CPM: variants seen among roughly 807,000 people sequenced by gnomAD.
The protein encoded by CPM is carboxypeptidase M, also known as renal carboxypeptidase.
CPM carries 35 observed loss-of-function variants against 46.4 expected under a neutral mutation model. The observed-to-expected ratio is 0.75, with a 90% CI of 0.58 to 1.00. The LOEUF (loss-of-function observed/expected upper bound fraction) is 1.00. CPM is among the 50% of genes least tolerant of loss of function. The probability of loss-of-function intolerance (pLI) is 0.00; values close to 1 mark genes in which losing one functional copy is unlikely to be tolerated. For missense variants in CPM, 422 were observed against 530.4 expected (o/e 0.80, Z 2.01); for synonymous variants, 195 against 195.3 (o/e 1.00, Z 0.01).
intron 2 of CPM, among the ~76,000 whole-genome samples, chr12:68,909,482 G>C (rs1887488979): frequency 1.3e-5 from 2 of 152,090 alleles, no homozygotes; most frequent in African/African-American, 4.8e-5. Flanking sequence ...TCCTCTTGTA[G>C]GTTAATCTGT....
chr12:68,868,435 C>T (rs1186807788), intron 6 of CPM, among the ~76,000 whole-genome samples: 2 of 152,152 alleles, frequency 1.3e-5, no homozygotes, highest in African/African-American at 2.4e-5. Flanking sequence ...GTGGCCTGCA[C>T]GCAGAAATGC....
chr12:68,931,826 T>C (rs1888524711), intron 2 of CPM, among the ~76,000 whole-genome samples: 1 of 151,808 alleles, frequency 6.6e-6, no homozygotes, highest in East Asian at 1.9e-4. Context: ...TTATTTGCCT[T>C]GGCCGGATGG....
At chr12:68,903,999 G>A (rs962615679) in intron 2 of CPM, among the ~76,000 whole-genome samples, 6 of 152,042 alleles carry the variant, frequency 3.9e-5, no homozygotes, top group African/African-American at 9.7e-5. Context: ...TGATCCTCCC[G>A]CCTTGCCCTC....
At chr12:68,898,213 G>A (rs140257189) in intron 2 of CPM, among the ~76,000 whole-genome samples, 1 of 151,962 alleles carries the variant, frequency 6.6e-6, no homozygotes, top group African/African-American at 2.4e-5. Flanking sequence ...TTAAGAAGAG[G>A]TTAATTCAGA....
At chr12:68,884,706 CTT>C (rs1886356306) in intron 3 of CPM, among the ~76,000 whole-genome samples, 1 of 152,316 alleles carries the variant, frequency 6.6e-6, no homozygotes, top group South Asian at 2.1e-4. Context: ...GCTGGGGACT[CTT>C]TGATCGCTCA....
At chr12:68,884,264 G>A (rs1050879098) in intron 3 of CPM, among the ~76,000 whole-genome samples, 2 of 152,242 alleles carry the variant, frequency 1.3e-5, no homozygotes, top group South Asian at 4.1e-4. Flanking sequence ...TCCTTGCAAC[G>A]TAGTCTTTTT....
rs1421090455 is a variant in CPM at position 68,869,405 on chromosome 12, A to G, written c.707T>C (p.Met236Thr). 6.2e-7 allele frequency: 1 copy of G among 1,614,096 alleles called. No individual in the cohort carries two copies. Among genetic ancestry groups the G allele is most frequent in the South Asian group, 1.1e-5 (1 of 91,070 alleles). Residue 236 changes from methionine to threonine, a missense_variant, in exon 6 of 9, where the codon ATG becomes ACG. Physicochemically the swap from Met to Thr is moderately conservative, Grantham distance 81. Transcript: ENST00000551568. ...AHTYASRNPN[M>T]KKGDECKNKM... ...GTTTTTACACTCGTCTCCTTTCTTC[A>G]TGTTGGGATTTCTTGAAGCATAGGT...
intron 1 of CPM, among the ~76,000 whole-genome samples, chr12:68,962,088 T>G (rs1889128119): frequency 1.3e-5 from 2 of 151,262 alleles, no homozygotes; most frequent in Non-Finnish European, 2.9e-5. Flanking sequence ...TAGTCTCAGC[T>G]ACTCAGGAGG....
chr12:68,909,497 A>G (rs1388035887), intron 2 of CPM, among the ~76,000 whole-genome samples: 1 of 152,166 alleles, frequency 6.6e-6, no homozygotes, highest in African/African-American at 2.4e-5. Flanking sequence ...ATCTGTCAGT[A>G]TCCATCAAGC....
In CPM at chr12:68,932,841, C is replaced by T; in HGVS notation, c.-3-1G>A. The stretch of plus-strand genomic sequence containing the variant: ...GCCAGAGGCACGGGAAGTCCATGTT[C>T]TAGAGATGAATAAAAATAAGAAGAA... On this transcript the variant is annotated splice_acceptor_variant, in intron 1 of 8. Coordinates refer to ENST00000551568, the MANE Select transcript of CPM (RefSeq NM_198320.5). LOFTEE classifies it low-confidence loss of function (5UTR_SPLICE). 2 of 1,613,272 alleles carry T rather than the reference C, an allele frequency of 1.2e-6. No homozygotes were observed. Among genetic ancestry groups the T allele is most frequent in the Non-Finnish European group, 1.7e-6 (2 of 1,179,788 alleles).
chr12:68,885,006 C>T (rs900557725), intron 3 of CPM, among the ~76,000 whole-genome samples: 4 of 152,122 alleles, frequency 2.6e-5, no homozygotes, highest in Admixed American at 2.0e-4. Context: ...AGCAGTGGCA[C>T]GATCTTGGCT....
chr12:68,876,543 T>C (rs1348867244), intron 3 of CPM, among the ~76,000 whole-genome samples: 1 of 152,188 alleles, frequency 6.6e-6, no homozygotes, highest in Admixed American at 6.5e-5. Flanking sequence ...GAGTCTCCAA[T>C]TGCCCAGGCA....
At chr12:68,901,991 C>T (rs1242049086) in intron 2 of CPM, among the ~76,000 whole-genome samples, 2 of 152,112 alleles carry the variant, frequency 1.3e-5, no homozygotes, top group East Asian at 1.9e-4. Context: ...CTCTACTTTA[C>T]TTAATATGCA....
At chr12:68,938,671 T>C (rs1454289326) in intron 1 of CPM, among the ~76,000 whole-genome samples, 2 of 151,960 alleles carry the variant, frequency 1.3e-5, no homozygotes, top group Non-Finnish European at 2.9e-5. Context: ...AAATGTATAA[T>C]TTAAAAAATG....
intron 2 of CPM, among the ~76,000 whole-genome samples, chr12:68,894,267 G>C (rs1886776198): frequency 6.6e-6 from 1 of 152,162 alleles, no homozygotes; most frequent in Non-Finnish European, 1.5e-5. Flanking sequence ...ATTTTGTTTA[G>C]GTTGCTGGTT....
Position 68,871,912 on chromosome 12 carries a change from T to C in CPM, c.303A>G (p.Val101=). 1 of 1,614,178 alleles carries C rather than the reference T, an allele frequency of 6.2e-7. No individual in the cohort carries two copies. The part of the protein sequence containing the change: ...ELLLHLIDYL[V]TSDGKDPEIT... ...TTTCAGGGTCTTTGCCATCACTGGT[T>C]ACGAGATAGTCAATCAGATGGAGCA... Residue 101 remains valine (V), a synonymous_variant, in exon 4 of 9, where the codon GTA becomes GTG. Coordinates refer to ENST00000551568, the MANE Select transcript of CPM (RefSeq NM_198320.5).
intron 1 of CPM, among the ~76,000 whole-genome samples, chr12:68,955,671 G>A (rs1041052645): frequency 1.3e-5 from 2 of 152,136 alleles, no homozygotes; most frequent in African/African-American, 4.8e-5. Context: ...TTCTTGAGGA[G>A]GCCCAAAGTG....
intron 3 of CPM, among the ~76,000 whole-genome samples, chr12:68,880,503 G>C (rs1040426848): frequency 1.3e-5 from 2 of 152,230 alleles, no homozygotes; most frequent in Admixed American, 6.5e-5. Context: ...CTCACCAAAT[G>C]GTGCTGCAAC....
intron 2 of CPM, among the ~76,000 whole-genome samples, chr12:68,910,703 T>C (rs527510092): frequency 3.3e-5 from 5 of 152,302 alleles, no homozygotes; most frequent in African/African-American, 1.2e-4. Context: ...CCATTCTAAG[T>C]GTACAACTCA....
Sources: allele counts gnomAD v4.1 joint callset (sites outside exome capture counted in the v4.1 genomes callset), GRCh38; gene constraint gnomAD v4.1.1; transcripts MANE v1.5; gene names NCBI Gene and HGNC (gene_info 2026-07-23, HGNC 2026-07-21).